NEK10: variants seen among roughly 807,000 people sequenced by gnomAD.
NEK10 encodes the protein serine/threonine-protein kinase Nek10.
NEK10 carries 122 observed loss-of-function variants against 159.8 expected under a neutral mutation model. The ratio of observed to expected loss-of-function variants is 0.76; its 90% confidence interval spans 0.66 to 0.89. The LOEUF is 0.89. NEK10 is among the 40% of genes least tolerant of loss of function. The pLI is 0.00. For synonymous variants in NEK10, 466 were observed against 457.1 expected (o/e 1.02, Z -0.25); for missense variants, 1,342 against 1,323.1 (o/e 1.01, Z -0.22).
chr3:27,118,939 G>A (rs1306776206), intron 33 of NEK10, among the ~76,000 whole-genome samples: 1 of 152,122 alleles, frequency 6.6e-6, no homozygotes, highest in Non-Finnish European at 1.5e-5. Flanking sequence ...CTAAAGAGAT[G>A]GCAAGTCTTC....
intron 30 of NEK10, among the ~76,000 whole-genome samples, chr3:27,149,136 A>G (rs1361614781): frequency 2.0e-5 from 3 of 151,460 alleles, no homozygotes; most frequent in African/African-American, 7.3e-5. Context: ...ATATTTTAAA[A>G]GTCTAATACA....
rs186545656 is a variant in NEK10, at chr3:27,159,465, T to C, written c.2869+3236A>G. Among the ~76,000 whole-genome samples the C allele has an allele frequency of 6.6e-5, 10 of 151,994 alleles. No individual in the cohort carries two copies. The East Asian group carries it at 9.6e-4, about 15-fold the overall frequency. ...TTATAGTACATATAGTTCTCAGACA[T>C]AGGCAAATTTGTACCATGGTAATTC... is the stretch of plus-strand genomic sequence containing the variant. On this transcript the variant is annotated intron_variant, in intron 30 of 35. Transcript: ENST00000691995.
In NEK10 at chr3:27,291,558, A is replaced by G; in HGVS notation, c.1402T>C (p.Phe468Leu). Reference protein sequence around the residue: ...RLFPTDLFEIFIDIGHYVRDI... With the variant: ...RLFPTDLFEILIDIGHYVRDI... ...CGTACATAATGCCCTATGTCAATGA[A>G]GATCTCAAACAAGTCTGTGGGGAAA... The change falls in exon 17 of 36, where the codon TTC becomes CTC. Residue 468 changes from phenylalanine (F) to leucine (L), a missense_variant. Phe to Leu is a conservative substitution (Grantham distance 22). Coordinates refer to ENST00000691995, the MANE Select transcript of NEK10 (RefSeq NM_001394966.1). 6.2e-7 allele frequency: 1 copy of G among 1,607,180 alleles called. No homozygotes were observed. Among genetic ancestry groups the G allele is most frequent in the Non-Finnish European group, 8.5e-7 (1 of 1,173,654 alleles).
chr3:27,168,246 CA>C (rs1946652629), intron 29 of NEK10, among the ~76,000 whole-genome samples: 1 of 147,874 alleles, frequency 6.8e-6, no homozygotes, highest in Admixed American at 6.7e-5. Flanking sequence ...TTATACATGG[CA>C]CAGAATAGGA....
intron 4 of NEK10, 71 bp downstream of exon 4, chr3:27,346,015 A>G: frequency 6.8e-7 from 1 of 1,467,268 alleles, no homozygotes; most frequent in South Asian, 1.2e-5. Context: ...AGCTCCTGGG[A>G]TAAACTTAAA....
intron 5 of NEK10, among the ~76,000 whole-genome samples, chr3:27,336,878 C>T (rs529716097): frequency 9.9e-5 from 15 of 152,198 alleles, no homozygotes; most frequent in Admixed American, 2.6e-4. Flanking sequence ...AGAAAAATAT[C>T]AACTTCAGCC....
chr3:27,266,385 G>C (rs988600660), intron 22 of NEK10, among the ~76,000 whole-genome samples: 7 of 151,504 alleles, frequency 4.6e-5, no homozygotes, highest in African/African-American at 1.7e-4. Flanking sequence ...TTGAGGTTCT[G>C]ATTTTTTTAT....
At chr3:27,271,737 C>T (rs1055414636) in intron 22 of NEK10, among the ~76,000 whole-genome samples, 2 of 151,980 alleles carry the variant, frequency 1.3e-5, no homozygotes, top group Non-Finnish European at 2.9e-5. Context: ...CATTTGTGAT[C>T]ATATTTGGAG....
chr3:27,163,881 A>G (rs186215450), intron 29 of NEK10, among the ~76,000 whole-genome samples: 1 of 152,358 alleles, frequency 6.6e-6, no homozygotes, highest in Admixed American at 6.5e-5. Context: ...TTTTAATCAT[A>G]GAATTTTTGA....
At chr3:27,190,385 G>A (rs577501546) in intron 26 of NEK10, among the ~76,000 whole-genome samples, 8 of 152,290 alleles carry the variant, frequency 5.3e-5, no homozygotes, top group Admixed American at 3.3e-4. Flanking sequence ...GGAAGTAGGT[G>A]GGAATAGAGA....
chr3:27,309,010 A>G lies in NEK10; in HGVS notation c.637-5T>C. ...ACCAAGTAAATTTACTAATGTCTGA[A>G]AAATGAAGTAAAATAAAGTTTAATT... is the stretch of plus-strand genomic sequence containing the variant. On this transcript the variant is annotated splice_polypyrimidine_tract_variant and splice_region_variant and intron_variant, in intron 9 of 35. Transcript: ENST00000691995. The G allele has an allele frequency of 6.9e-7, 1 of 1,455,002 alleles. No homozygotes were observed. 90.1% of individuals were successfully genotyped at this position (1,455,002 alleles called of 1,614,324 possible). A position where few individuals can be genotyped will look rare whatever the true frequency, so the allele number is the denominator to read the frequency against.
intron 19 of NEK10, among the ~76,000 whole-genome samples, chr3:27,289,772 A>G (rs1263881653): frequency 6.6e-6 from 1 of 152,244 alleles, no homozygotes; most frequent in East Asian, 1.9e-4. Flanking sequence ...CAAACTTTTT[A>G]AAGTCTAGTC....
intron 22 of NEK10, among the ~76,000 whole-genome samples, chr3:27,280,243 G>A (rs969296461): frequency 6.6e-6 from 1 of 151,966 alleles, no homozygotes; most frequent in African/African-American, 2.4e-5. Context: ...GGTAGAAGAT[G>A]GTGTCAGACT....
At chr3:27,163,231 T>C (rs1359756986) in intron 29 of NEK10, among the ~76,000 whole-genome samples, 1 of 152,156 alleles carries the variant, frequency 6.6e-6, no homozygotes, top group African/African-American at 2.4e-5. Flanking sequence ...AAATTCTAGG[T>C]TATTTGATCA....
chr3:27,305,944 T>A (rs187835772), intron 11 of NEK10, among the ~76,000 whole-genome samples: 12 of 152,318 alleles, frequency 7.9e-5, no homozygotes, highest in African/African-American at 2.9e-4. Context: ...CCTGTCATCA[T>A]GATCTCAGCC....
intron 13 of NEK10, among the ~76,000 whole-genome samples, chr3:27,297,940 T>A (rs1033592713): frequency 1.3e-5 from 2 of 152,190 alleles, no homozygotes; most frequent in African/African-American, 4.8e-5. Flanking sequence ...AGATTTTACA[T>A]ATATTCCCAC....
intron 6 of NEK10, among the ~76,000 whole-genome samples, chr3:27,320,148 C>G (rs150644463): frequency 6.6e-6 from 1 of 152,252 alleles, no homozygotes; most frequent in African/African-American, 2.4e-5. Flanking sequence ...TATGGAAAGG[C>G]TGGCCAGCAG....
At chr3:27,156,932 A>ATATATG (rs1945511161) in intron 30 of NEK10, among the ~76,000 whole-genome samples, 1 of 6,584 alleles carries the variant, frequency 1.5e-4, no homozygotes, top group Non-Finnish European at 2.7e-4. Flanking sequence ...AGAAACTGAT[A>ATATATG]TATATATATA....
intron 23 of NEK10, among the ~76,000 whole-genome samples, chr3:27,229,448 T>G (rs1290291273): frequency 1.3e-5 from 2 of 152,114 alleles, no homozygotes; most frequent in Non-Finnish European, 2.9e-5. Flanking sequence ...ATTCTGGCAA[T>G]ATGACAAAAC....
Sources: gnomAD v4.1 joint callset for allele counts (sites outside exome capture counted in the v4.1 genomes callset) on GRCh38, gnomAD v4.1.1 for gene constraint, MANE v1.5 for transcripts, NCBI Gene and HGNC (gene_info 2026-07-23, HGNC 2026-07-21) for gene names.